The following DNAH11 variants were observed in gnomAD, a reference collection of about 807,000 sequenced individuals.
DNAH11 encodes axonemal beta dynein heavy chain 11.
Under a neutral mutation model 526.0 loss-of-function variants are expected in DNAH11, and 442 were observed. The observed-to-expected ratio is 0.84, with a 90% CI of 0.78 to 0.91. The LOEUF (loss-of-function observed/expected upper bound fraction) is 0.91, where lower values mean the gene tolerates loss of function less well. Among genes scored for constraint, DNAH11 ranks in the 40% least tolerant of loss-of-function variants. The pLI, the probability that DNAH11 is intolerant of heterozygous loss-of-function variation, is 0.00. For missense variants in DNAH11, 6,989 were observed against 5,448.7 expected, an observed-to-expected ratio of 1.28 and a Z score of -8.90; for synonymous variants, 2,461 against 1,935.9, an observed-to-expected ratio of 1.27 and a Z score of -7.12.
chr7:21,779,201 C>A, intron 57 of DNAH11, 97 bp downstream of exon 57: 1 of 1,400,952 alleles, frequency 7.1e-7, no homozygotes, highest in Non-Finnish European at 9.5e-7. Flanking sequence ...CTCCAGGGAG[C>A]ATAAAGTCTA....
At chr7:21,812,891 C>A (rs1028792747) in intron 63 of DNAH11, among the ~76,000 whole-genome samples, 4 of 152,132 alleles carry the variant, frequency 2.6e-5, no homozygotes, top group Non-Finnish European at 4.4e-5. Context: ...AGTCCAGTAT[C>A]CAGCCTGGGG....
intron 22 of DNAH11, 36 bp from the exon 23 acceptor site, chr7:21,617,583 C>G: frequency 6.2e-7 from 1 of 1,610,588 alleles, no homozygotes. Flanking sequence ...TGTGTTATAT[C>G]TTGGGAGCTA....
At chr7:21,559,298 G>A (rs531034619) in intron 3 of DNAH11, among the ~76,000 whole-genome samples, 23 of 152,308 alleles carry the variant, frequency 1.5e-4, no homozygotes, top group East Asian at 1.9e-4. Flanking sequence ...TCCTTTTAAA[G>A]TATGCTTTTA....
chr7:21,780,709 A>G (rs550894250), intron 57 of DNAH11, among the ~76,000 whole-genome samples: 3 of 152,352 alleles, frequency 2.0e-5, no homozygotes, highest in Admixed American at 6.5e-5. Flanking sequence ...AAGAAGGGAC[A>G]TACTATTTTT....
Position 21,707,097 on chromosome 7 carries a change from C to G in DNAH11, c.6547-602C>G, listed in dbSNP as rs556949967. ...CCCTGGTCTCTATCCACTGGATGTC[C>G]AGAAGCTCCTTCCCCCTTCTTCCCC... On this transcript the variant is annotated intron_variant, in intron 39 of 81. Transcript: ENST00000409508. 3.3e-5 allele frequency among the ~76,000 whole-genome samples: 5 copies of G among 152,242 alleles called. No homozygotes were observed. The South Asian group carries it at 1.0e-3, about 32-fold the overall frequency.
intron 8 of DNAH11, among the ~76,000 whole-genome samples, chr7:21,581,408 A>C (rs908242849): frequency 3.3e-5 from 5 of 152,190 alleles, no homozygotes; most frequent in African/African-American, 9.6e-5. Context: ...TTTTCTTACC[A>C]GTGGATTTCA....
intron 54 of DNAH11, among the ~76,000 whole-genome samples, chr7:21,756,969 T>C (rs1490343190): frequency 6.6e-6 from 1 of 152,200 alleles, no homozygotes. Context: ...TAAGTTCTTT[T>C]CTCAATATTT....
At chr7:21,598,826 A>C (rs1784963066) in intron 14 of DNAH11, among the ~76,000 whole-genome samples, 1 of 152,168 alleles carries the variant, frequency 6.6e-6, no homozygotes, top group Non-Finnish European at 1.5e-5. Context: ...CTTAAAAGTG[A>C]GAAAATGCAG....
chr7:21,697,177 CTTAT>C (rs1173564806), intron 35 of DNAH11, among the ~76,000 whole-genome samples: 3 of 152,078 alleles, frequency 2.0e-5, no homozygotes, highest in East Asian at 1.9e-4. Flanking sequence ...AAATAATGAG[CTTAT>C]TTATTTACTC....
chr7:21,729,568 T>C (rs1785282530), intron 45 of DNAH11, among the ~76,000 whole-genome samples: 1 of 152,208 alleles, frequency 6.6e-6, no homozygotes, highest in Non-Finnish European at 1.5e-5. Context: ...TCAACACTTT[T>C]CTTAGAAATC....
chr7:21,725,670 T>C (rs1289710736), intron 44 of DNAH11, 141 bp from the exon 45 acceptor site: 1 of 759,608 alleles, frequency 1.3e-6, no homozygotes, highest in Non-Finnish European at 2.1e-6. Context: ...TTAAGTTAAT[T>C]ATTTCACAAA....
At chr7:21,791,371 G>A (rs999846509) in intron 61 of DNAH11, among the ~76,000 whole-genome samples, 5 of 152,226 alleles carry the variant, frequency 3.3e-5, no homozygotes, top group Admixed American at 6.5e-5. Context: ...GCTTTTAGCA[G>A]GAGTGACCTT....
At chr7:21,850,378 AAAAG>A (rs1341660549) in intron 66 of DNAH11, among the ~76,000 whole-genome samples, 1 of 151,374 alleles carries the variant, frequency 6.6e-6, no homozygotes, top group Non-Finnish European at 1.5e-5. Flanking sequence ...AAGAAAAAGA[AAAAG>A]AAAAAAAATT....
intron 2 of DNAH11, among the ~76,000 whole-genome samples, chr7:21,552,343 G>A (rs936571550): frequency 3.9e-4 from 60 of 152,312 alleles, no homozygotes; most frequent in African/African-American, 6.5e-4. Context: ...ACATACAGTA[G>A]CCAGTTAAAC....
chr7:21,636,845 G>A (rs527320238), intron 26 of DNAH11, among the ~76,000 whole-genome samples: 13 of 152,136 alleles, frequency 8.5e-5, no homozygotes, highest in Admixed American at 7.9e-4. Flanking sequence ...GGTAATAAAG[G>A]TAAACAGATT....
At chr7:21,700,109 G>A (rs1348374137) in intron 36 of DNAH11, among the ~76,000 whole-genome samples, 1 of 152,158 alleles carries the variant, frequency 6.6e-6, no homozygotes, top group Non-Finnish European at 1.5e-5. Context: ...AGAAAACTGA[G>A]CAAAACAACC....
intron 37 of DNAH11, among the ~76,000 whole-genome samples, 197 bp downstream of exon 37, chr7:21,702,999 G>T (rs931584722): frequency 6.6e-6 from 1 of 152,092 alleles, no homozygotes; most frequent in African/African-American, 2.4e-5. Context: ...ATATGAATCT[G>T]GAAAAGAAAA....
Position 21,789,261 on chromosome 7 carries a change from A to T in DNAH11, c.9945A>T (p.Pro3315=). Residue 3315 remains proline, a synonymous_variant, in exon 61 of 82, where the codon CCA becomes CCT. Transcript: ENST00000409508. The part of the protein sequence containing the change: ...KFYEVYCDVE[P]KRQALAQANL... ...TTCAGGTCTACTGTGATGTGGAGCC[A>T]AAACGCCAAGCATTAGCCCAAGCAA... is the stretch of plus-strand genomic sequence containing the variant. 1 of 1,573,694 alleles carries T rather than the reference A, an allele frequency of 6.4e-7. No individual in the cohort carries two copies. Among genetic ancestry groups the T allele is most frequent in the Non-Finnish European group, 8.6e-7 (1 of 1,158,934 alleles).
chr7:21,899,243 C>CACCACCCTGCCCTAACCGCCCACAACA, intron 79 of DNAH11, 93 bp from the exon 80 acceptor site: 1 of 964,810 alleles, frequency 1.0e-6, no homozygotes. Context: ...TCTCCTCCAC[C>CACCACCCTGCCCTAACCGCCCACAACA]ACCACCCTGC....
Sources: allele counts gnomAD v4.1 joint callset (sites outside exome capture counted in the v4.1 genomes callset), GRCh38; gene constraint gnomAD v4.1.1; transcripts MANE v1.5; gene names NCBI Gene and HGNC (gene_info 2026-07-23, HGNC 2026-07-21).